The following NBAS variants were observed in gnomAD, a reference collection of about 807,000 sequenced individuals.
The protein encoded by NBAS is NBAS subunit of NRZ tethering complex.
NBAS carries 219 observed loss-of-function variants against 302.5 expected under a neutral mutation model. The observed-to-expected ratio is 0.72, with a 90% CI of 0.65 to 0.81. The LOEUF (loss-of-function observed/expected upper bound fraction) is 0.81, where lower values mean the gene tolerates loss of function less well. Among genes scored for constraint, NBAS ranks in the 30% least tolerant of loss-of-function variants. The pLI, the probability that NBAS is intolerant of heterozygous loss-of-function variation, is 0.00. For synonymous variants in NBAS, 1,118 were observed against 1,021.6 expected, an observed-to-expected ratio of 1.09 and a Z score of -1.80; for missense variants, 2,932 against 2,841.6, an observed-to-expected ratio of 1.03 and a Z score of -0.72.
At chr2:15,120,615 T>C in the NBAS span, among the ~76,000 whole-genome samples, 1 of 152,242 alleles carries the variant, frequency 6.6e-6, no homozygotes, top group Admixed American at 6.5e-5. Flanking sequence ...TCATTTCCTT[T>C]CCATTACCCT....
At chr2:14,880,619 A>C in the NBAS span, among the ~76,000 whole-genome samples, 1 of 152,084 alleles carries the variant, frequency 6.6e-6, no homozygotes, top group Non-Finnish European at 1.5e-5. Flanking sequence ...AACATTGAAA[A>C]GAGTAATCAG....
chr2:15,415,645 C>A lies in NBAS; in HGVS notation c.2838G>T (p.Ser946=), dbSNP rs780547106. The A allele has an allele frequency of 3.1e-6, 5 of 1,614,070 alleles. No individual in the cohort carries two copies. In the South Asian group the frequency reaches 5.5e-5, roughly 18 times the overall value. ...VPFLHRCEKQ[S]PGVANELLKE... ...TTAATAGCTCATTAGCCACACCAGG[C>A]GACTGTTTCTCACAACGATGAAGAA... The change falls in exon 25 of 52, where the codon TCG becomes TCT. Residue 946 remains serine, a synonymous_variant. Coordinates refer to ENST00000281513, the MANE Select transcript of NBAS (RefSeq NM_015909.4).
At position 15,174,201 on chromosome 2, in the gene NBAS, G is replaced by A. The variant is rs1664427202; in HGVS notation, c.6840+4787C>T. Among the ~76,000 whole-genome samples the A allele has an allele frequency of 2.0e-5, 3 of 152,306 alleles. No individual in the cohort carries two copies. The South Asian group carries it at 6.2e-4, about 32-fold the overall frequency. ...GTTAAAGGGGACCAAAGACAGGAAG[G>A]TTTCTTGGTTTTGTATAAATATGTC... On this transcript the variant is annotated intron_variant, in intron 51 of 51. Transcript: ENST00000281513.
intron 25 of NBAS, among the ~76,000 whole-genome samples, chr2:15,405,293 TTTCTC>T (rs1296550873): frequency 1.3e-5 from 2 of 152,226 alleles, no homozygotes; most frequent in Admixed American, 1.3e-4. Flanking sequence ...GCACATTTCT[TTTCTC>T]TTCTTATGCC....
the NBAS span, among the ~76,000 whole-genome samples, chr2:15,105,593 A>G: frequency 5.3e-5 from 8 of 152,070 alleles, no homozygotes. Context: ...TGACATTGTG[A>G]AGCAGTTCAG....
chr2:15,173,452 A>T (rs1269906378), intron 51 of NBAS, among the ~76,000 whole-genome samples: 1 of 152,236 alleles, frequency 6.6e-6, no homozygotes, highest in Non-Finnish European at 1.5e-5. Context: ...TTAGGGAAAC[A>T]TATTTGTCTT....
chr2:15,306,266 T>C (rs1671030552), intron 40 of NBAS, among the ~76,000 whole-genome samples: 1 of 152,210 alleles, frequency 6.6e-6, no homozygotes, highest in African/African-American at 2.4e-5. Context: ...TAAGTATCTG[T>C]ATAAAGCAGC....
intron 48 of NBAS, among the ~76,000 whole-genome samples, chr2:15,200,900 A>G (rs1185062045): frequency 1.3e-5 from 2 of 152,214 alleles, no homozygotes; most frequent in Admixed American, 1.3e-4. Context: ...TGAAATATGC[A>G]TCTTCCTACA....
intron 48 of NBAS, among the ~76,000 whole-genome samples, chr2:15,205,452 A>G (rs1274313608): frequency 3.4e-5 from 5 of 146,368 alleles, no homozygotes; most frequent in Admixed American, 1.4e-4. Flanking sequence ...TTCGCCAATC[A>G]AAAGACATAG....
the NBAS span, among the ~76,000 whole-genome samples, chr2:15,049,705 G>A: frequency 6.6e-6 from 1 of 152,336 alleles, no homozygotes; most frequent in East Asian, 1.9e-4. Flanking sequence ...GCTCCTTCGG[G>A]GGCTGCTGTC....
chr2:15,203,338 C>T (rs1163124755), intron 48 of NBAS, among the ~76,000 whole-genome samples: 1 of 152,156 alleles, frequency 6.6e-6, no homozygotes, highest in Admixed American at 6.6e-5. Flanking sequence ...TGTTACAGGG[C>T]TGTTACAACG....
chr2:15,064,240 T>A, the NBAS span, among the ~76,000 whole-genome samples: 1 of 150,116 alleles, frequency 6.7e-6, no homozygotes, highest in East Asian at 1.9e-4. Flanking sequence ...TGAGTTGGTT[T>A]CCTGAAAAGT....
chr2:15,404,526 A>C (rs201057735), intron 25 of NBAS, among the ~76,000 whole-genome samples: 4 of 123,704 alleles, frequency 3.2e-5, no homozygotes, highest in Admixed American at 1.6e-4. Flanking sequence ...TTTTTTTTTT[A>C]TTTTGAGACA....
chr2:15,498,064 C>T (rs1681134122), intron 11 of NBAS, among the ~76,000 whole-genome samples: 1 of 152,136 alleles, frequency 6.6e-6, no homozygotes, highest in Non-Finnish European at 1.5e-5. Flanking sequence ...AACTAATCTG[C>T]CTGCAAAATG....
the NBAS span, among the ~76,000 whole-genome samples, chr2:15,131,000 A>C: frequency 6.6e-6 from 1 of 152,334 alleles, no homozygotes; most frequent in Admixed American, 6.5e-5. Context: ...ACAATATATA[A>C]TACAGTATTC....
the NBAS span, among the ~76,000 whole-genome samples, chr2:15,114,453 T>G: frequency 6.6e-6 from 1 of 152,302 alleles, no homozygotes; most frequent in South Asian, 2.1e-4. Context: ...CTTAATTACC[T>G]TTTTTAGGTC....
the NBAS span, among the ~76,000 whole-genome samples, chr2:14,798,030 T>C: frequency 6.6e-6 from 1 of 152,224 alleles, no homozygotes; most frequent in South Asian, 2.1e-4. Flanking sequence ...GAGGTGATTA[T>C]GTCATCTGTG....
the NBAS span, among the ~76,000 whole-genome samples, chr2:14,923,483 G>C: frequency 6.6e-6 from 1 of 152,152 alleles, no homozygotes; most frequent in Non-Finnish European, 1.5e-5. Flanking sequence ...TTTGCTTTGT[G>C]ACAAATGCCA....
chr2:14,988,473 C>A, the NBAS span, among the ~76,000 whole-genome samples: 3 of 152,140 alleles, frequency 2.0e-5, no homozygotes, highest in Admixed American at 1.3e-4. Context: ...CCTCTTAATT[C>A]AAGAAGAATC....
Sources: gnomAD v4.1 joint callset for allele counts (sites outside exome capture counted in the v4.1 genomes callset) on GRCh38, gnomAD v4.1.1 for gene constraint, MANE v1.5 for transcripts, NCBI Gene and HGNC (gene_info 2026-07-23, HGNC 2026-07-21) for gene names.